The following CACNA2D1 variants were observed in gnomAD, a reference collection of about 807,000 sequenced individuals.
CACNA2D1 encodes calcium voltage-gated channel auxiliary subunit alpha2delta 1, also known as voltage-dependent calcium channel subunit alpha-2/delta-1.
CACNA2D1 carries 53 observed loss-of-function variants against 171.5 expected under a neutral mutation model. That is an observed-to-expected ratio of 0.31 (90% CI 0.25 to 0.39). The LOEUF (loss-of-function observed/expected upper bound fraction) is 0.39, where lower values mean the gene tolerates loss of function less well. CACNA2D1 is among the 10% of genes least tolerant of loss of function. The pLI is 1.00. For missense variants in CACNA2D1, 903 were observed against 1,299.8 expected (o/e 0.69, Z 4.69); for synonymous variants, 442 against 443.1 (o/e 1.00, Z 0.03).
intron 3 of CACNA2D1, among the ~76,000 whole-genome samples, chr7:82,240,958 C>T (rs1804193770): frequency 1.3e-5 from 2 of 150,532 alleles, no homozygotes; most frequent in Admixed American, 6.6e-5. Context: ...CAGAGCAAGA[C>T]TCCATCTCAA....
chr7:82,374,097 TCC>T (rs1822737710), intron 1 of CACNA2D1, among the ~76,000 whole-genome samples: 1 of 152,174 alleles, frequency 6.6e-6, no homozygotes, highest in African/African-American at 2.4e-5. Context: ...GCAAACCAGT[TCC>T]AATATAGCTT....
Position 82,027,442 on chromosome 7 carries a change from ATCTC to A in CACNA2D1, c.1143+5351_1143+5354del, listed in dbSNP as rs1012638744. Among the ~76,000 whole-genome samples the A allele has an allele frequency of 4.0e-5, 6 of 151,698 alleles. No individual in the cohort carries two copies. The East Asian group carries it at 9.7e-4, about 24-fold the overall frequency. On this transcript the variant is annotated intron_variant, in intron 12 of 38. Coordinates refer to ENST00000356860, the MANE Select transcript of CACNA2D1 (RefSeq NM_000722.4). ...CTTGTCAAATTCAGAAACGTGTTCC[ATCTC>A]TCTCTCAATCCCTCCTCTTTTCAAG...
chr7:82,020,841 C>G (rs922748778), intron 12 of CACNA2D1: 1 of 152,010 alleles, frequency 6.6e-6, no homozygotes, highest in Non-Finnish European at 1.5e-5. Flanking sequence ...GAGTGTCTGA[C>G]GGAGAGAAGA....
At chr7:82,377,016 T>C (rs558671972) in intron 1 of CACNA2D1, among the ~76,000 whole-genome samples, 1 of 152,286 alleles carries the variant, frequency 6.6e-6, no homozygotes, top group Non-Finnish European at 1.5e-5. Context: ...TGTTCTCTAA[T>C]GCAAGGATTA....
At chr7:82,287,091 A>C (rs1810887933) in intron 3 of CACNA2D1, among the ~76,000 whole-genome samples, 1 of 152,282 alleles carries the variant, frequency 6.6e-6, no homozygotes, top group East Asian at 1.9e-4. Flanking sequence ...CATTCTTTTT[A>C]ATCATATATG....
intron 3 of CACNA2D1, among the ~76,000 whole-genome samples, chr7:82,220,923 CG>C (rs1435899861): frequency 6.6e-6 from 1 of 151,720 alleles, no homozygotes; most frequent in Non-Finnish European, 1.5e-5. Flanking sequence ...GGACTATAGG[CG>C]CGTGCCACCA....
chr7:82,327,543 C>A (rs1183723501), intron 3 of CACNA2D1, among the ~76,000 whole-genome samples: 1 of 152,132 alleles, frequency 6.6e-6, no homozygotes, highest in Non-Finnish European at 1.5e-5. Context: ...AATATCTAGT[C>A]TGGAATAAAA....
intron 3 of CACNA2D1, among the ~76,000 whole-genome samples, chr7:82,264,850 T>C (rs878902917): frequency 6.6e-6 from 1 of 152,170 alleles, no homozygotes; most frequent in Non-Finnish European, 1.5e-5. Flanking sequence ...AATACACACT[T>C]ACAGATGAAA....
At chr7:82,268,518 C>G (rs1808213121) in intron 3 of CACNA2D1, among the ~76,000 whole-genome samples, 1 of 151,940 alleles carries the variant, frequency 6.6e-6, no homozygotes, top group South Asian at 2.1e-4. Context: ...ACACGCAGTC[C>G]TTTTTTTTCT....
At chr7:82,218,086 C>A (rs1385573029) in intron 3 of CACNA2D1, among the ~76,000 whole-genome samples, 1 of 151,910 alleles carries the variant, frequency 6.6e-6, no homozygotes, top group East Asian at 1.9e-4. Flanking sequence ...AGGCACCCAC[C>A]ACCACGCCCG....
chr7:82,277,711 T>TA (rs147421677), intron 3 of CACNA2D1, among the ~76,000 whole-genome samples: 1 of 148,312 alleles, frequency 6.7e-6, no homozygotes, highest in East Asian at 2.0e-4. Flanking sequence ...AAGATTGTCA[T>TA]AAAAAAATGC....
intron 11 of CACNA2D1, among the ~76,000 whole-genome samples, chr7:82,033,482 A>C (rs1802952943): frequency 6.6e-6 from 1 of 152,052 alleles, no homozygotes; most frequent in African/African-American, 2.4e-5. Context: ...TGTATCTTCA[A>C]TCCACTTTCA....
At chr7:82,146,464 A>T (rs1183053034) in intron 4 of CACNA2D1, among the ~76,000 whole-genome samples, 1 of 145,554 alleles carries the variant, frequency 6.9e-6, no homozygotes, top group Non-Finnish European at 1.5e-5. Flanking sequence ...ATATATATAA[A>T]TATATATCTT....
intron 3 of CACNA2D1, among the ~76,000 whole-genome samples, chr7:82,282,492 A>C (rs1349427427): frequency 6.6e-6 from 1 of 152,142 alleles, no homozygotes; most frequent in Admixed American, 6.6e-5. Flanking sequence ...CCTTTGAGAC[A>C]GGTAAGAGCT....
intron 3 of CACNA2D1, among the ~76,000 whole-genome samples, chr7:82,177,160 A>G (rs1215308154): frequency 2.0e-5 from 3 of 149,170 alleles, no homozygotes; most frequent in Admixed American, 6.8e-5. Context: ...AATAGTCTCG[A>G]GCCTACCACC....
At chr7:81,951,233 T>C (rs1398767132) in intron 38 of CACNA2D1, among the ~76,000 whole-genome samples, 1 of 152,108 alleles carries the variant, frequency 6.6e-6, no homozygotes, top group Non-Finnish European at 1.5e-5. Flanking sequence ...TTTAGTTCCC[T>C]CTTAATGCAA....
At chr7:82,153,752 T>C (rs1794081986) in intron 4 of CACNA2D1, among the ~76,000 whole-genome samples, 2 of 152,076 alleles carry the variant, frequency 1.3e-5, no homozygotes, top group African/African-American at 4.8e-5. Context: ...TAAAATGTTC[T>C]GATGAAAAGT....
chr7:82,234,977 C>T (rs192040847), intron 3 of CACNA2D1, among the ~76,000 whole-genome samples: 2 of 152,216 alleles, frequency 1.3e-5, no homozygotes, highest in African/African-American at 4.8e-5. Context: ...TCAAGTGCTG[C>T]GATTTATCAC....
rs1205947439 is a variant in CACNA2D1 at position 82,297,039 on chromosome 7, A to G, written c.294+38096T>C. Reference sequence around the variant, plus strand: ...CGCTTAAGTCCAGGAGTTGGAGACCAGCCAGGGAAACATAGTGAGGCTCTG... The same window carrying G: ...CGCTTAAGTCCAGGAGTTGGAGACCGGCCAGGGAAACATAGTGAGGCTCTG... On this transcript the variant is annotated intron_variant, in intron 3 of 38. Coordinates refer to ENST00000356860, the MANE Select transcript of CACNA2D1 (RefSeq NM_000722.4). 5.5e-5 allele frequency among the ~76,000 whole-genome samples: 8 copies of G among 145,072 alleles called. 1 individual carries two copies. The highest frequency in any genetic ancestry group is 1.2e-4 in the Non-Finnish European group (8 of 66,948).
Sources: allele counts gnomAD v4.1 joint callset (sites outside exome capture counted in the v4.1 genomes callset), GRCh38; gene constraint gnomAD v4.1.1; transcripts MANE v1.5; gene names NCBI Gene and HGNC (gene_info 2026-07-23, HGNC 2026-07-21).